DNAH10: variants seen among roughly 807,000 people sequenced by gnomAD.
DNAH10 encodes dynein axonemal heavy chain 10, also known as axonemal beta dynein heavy chain 10.
In DNAH10, 348 loss-of-function variants were observed where a neutral mutation model predicts 506.6. The observed-to-expected ratio is 0.69, with a 90% CI of 0.63 to 0.75. DNAH10 has a LOEUF of 0.75. Ranked by LOEUF, DNAH10 falls within the 30% of genes least tolerant of loss-of-function variation. The pLI, the probability that DNAH10 is intolerant of heterozygous loss-of-function variation, is 0.00. For synonymous variants in DNAH10, 2,059 were observed against 2,198.6 expected (o/e 0.94, Z 1.78); for missense variants, 5,179 against 5,787.1 (o/e 0.89, Z 3.41).
chr12:123,929,931 A>C (rs766245075), intron 72 of DNAH10, 172 bp downstream of exon 72: 1 of 644,312 alleles, frequency 1.6e-6, no homozygotes, highest in Non-Finnish European at 2.7e-6. Context: ...GTCCTAAGTG[A>C]GCTCTGTTCA....
At chr12:123,906,042 T>C (rs112703259) in intron 57 of DNAH10, among the ~76,000 whole-genome samples, 11,396 of 143,588 alleles carry the variant, frequency 0.079, 575 homozygotes, top group Middle Eastern at 0.17. Flanking sequence ...CTCAGCCTCC[T>C]GAGTAGCTCC....
rs748496617 is a variant in DNAH10, at chr12:123,818,982, G to T, written c.3813G>T (p.Lys1271Asn). 8.1e-6 allele frequency: 13 copies of T among 1,606,944 alleles called. No homozygotes were observed. The highest frequency in any genetic ancestry group is 1.1e-5 in the Non-Finnish European group (13 of 1,176,600). ...PPDAEKELVDKIESIWSNLFN... is the reference protein window; with the variant it reads ...PPDAEKELVDNIESIWSNLFN... ...ATGCAGAGAAAGAACTGGTTGATAA[G>T]ATTGAGAGCATATGGTCCAATCTGT... Residue 1271 changes from lysine (K) to asparagine (N), a missense_variant, in exon 22 of 79, where the codon AAG becomes AAT. Coordinates refer to ENST00000673944, the MANE Select transcript of DNAH10 (RefSeq NM_001372106.1).
In DNAH10 at chr12:123,879,734, T is replaced by G; in HGVS notation, c.8567T>G (p.Leu2856Arg). The G allele has an allele frequency of 6.2e-7, 1 of 1,614,042 alleles. No homozygotes were observed. The highest frequency in any genetic ancestry group is 8.5e-7 in the Non-Finnish European group (1 of 1,179,898). ...PILFGDFQMA[L>R]HEGEPRIYED... ...TTGTTTGGAGACTTCCAGATGGCTC[T>G]GCACGAAGGAGAACCACGCATTTAT... Residue 2856 changes from leucine to arginine, a missense_variant, in exon 50 of 79, where the codon CTG becomes CGG. By Grantham distance (102) the Leu-to-Arg change is moderately radical. Transcript: ENST00000673944.
At chr12:123,896,966 C>A (rs1233221510) in intron 54 of DNAH10, among the ~76,000 whole-genome samples, 1 of 152,146 alleles carries the variant, frequency 6.6e-6, no homozygotes, top group Non-Finnish European at 1.5e-5. Context: ...TTCATCATCC[C>A]AAACTGAAAC....
intron 11 of DNAH10, among the ~76,000 whole-genome samples, chr12:123,791,209 G>T (rs1009048031): frequency 6.6e-6 from 1 of 152,180 alleles, no homozygotes; most frequent in Non-Finnish European, 1.5e-5. Flanking sequence ...TACAGTATAG[G>T]CTGCTTTGGA....
chr12:123,917,485 G>T lies in DNAH10; in HGVS notation c.11003-99G>T. On this transcript the variant is annotated intron_variant, in intron 63 of 78. Transcript: ENST00000673944. This position sits in a 1 kb window ranked among gnomAD's most constrained non-coding sequence, Gnocchi z 5.6. Reference sequence around the variant, plus strand: ...GAATCCTCGTGCCTCTGGCCTGCTGGCTGAGACCCGCGCTAAGCTTGTCCC... The same window carrying T: ...GAATCCTCGTGCCTCTGGCCTGCTGTCTGAGACCCGCGCTAAGCTTGTCCC... The T allele has an allele frequency of 7.9e-7, 1 of 1,262,748 alleles. No individual in the cohort carries two copies. 78.2% of individuals were successfully genotyped at this position (1,262,748 alleles called of 1,614,324 possible). A position where few individuals can be genotyped will look rare whatever the true frequency, so the allele number is the denominator to read the frequency against.
rs889658454 is a variant in DNAH10, at chr12:123,879,859, G to A, written c.8634+58G>A. ...ACTTTCTCCTGAGCATGGGCCAAGCGGGAGCTGAGCATCGCGCGGGTGCCC... is the reference window on the plus strand; with the variant it reads ...ACTTTCTCCTGAGCATGGGCCAAGCAGGAGCTGAGCATCGCGCGGGTGCCC... On this transcript the variant is annotated intron_variant, in intron 50 of 78. Coordinates refer to ENST00000673944, the MANE Select transcript of DNAH10 (RefSeq NM_001372106.1). 23 of 1,580,180 alleles carry A rather than the reference G, an allele frequency of 1.5e-5. No individual in the cohort carries two copies. In the East Asian group the frequency reaches 2.2e-4, roughly 15 times the overall value.
chr12:123,764,651 C>T (rs1243876445), intron 1 of DNAH10, among the ~76,000 whole-genome samples: 1 of 152,160 alleles, frequency 6.6e-6, no homozygotes, highest in African/African-American at 2.4e-5. Flanking sequence ...AGAGTTCAGT[C>T]TCACCTCAGA....
chr12:123,850,158 T>C lies in DNAH10; in HGVS notation c.6103-730T>C, dbSNP rs1951101480. 1.4e-5 allele frequency among the ~76,000 whole-genome samples: 2 copies of C among 144,696 alleles called. No homozygotes were observed. Among genetic ancestry groups the C allele is most frequent in the Non-Finnish European group, 3.0e-5 (2 of 66,258 alleles). 94.9% of individuals were successfully genotyped at this position (144,696 alleles called of 152,430 possible). A position where few individuals can be genotyped will look rare whatever the true frequency, so the allele number is the denominator to read the frequency against. ...GTCTTCCGGGCTGCCCTCTCGTTGG[T>C]GATGCAGACTGTGCCTCCTAACAAC... On this transcript the variant is annotated intron_variant, in intron 34 of 78. Transcript: ENST00000673944. The surrounding 1 kb of genome is among the most constrained non-coding windows in gnomAD (Gnocchi z 5.5).
At chr12:123,924,951 T>C (rs1358940834) in intron 67 of DNAH10, 99 bp from the exon 68 acceptor site, 1 of 1,501,368 alleles carries the variant, frequency 6.7e-7, no homozygotes, top group African/African-American at 1.4e-5. Context: ...ACCTATGGAT[T>C]CTCGTCCCTT....
rs1951240101 is a variant in DNAH10 at position 123,853,144 on chromosome 12, C to T, written c.6292-62C>T. The T allele has an allele frequency of 6.2e-6, 9 of 1,453,526 alleles. No homozygotes were observed. Among genetic ancestry groups the T allele is most frequent in the African/African-American group, 1.4e-5 (1 of 70,450 alleles). 90.0% of individuals were successfully genotyped at this position (1,453,526 alleles called of 1,614,324 possible). A position where few individuals can be genotyped will look rare whatever the true frequency, so the allele number is the denominator to read the frequency against. On this transcript the variant is annotated intron_variant, in intron 35 of 78. Transcript: ENST00000673944. The surrounding 1 kb of genome is among the most constrained non-coding windows in gnomAD (Gnocchi z 4.7). ...TTTCTTGCATTTGTAGAATGATGCTCCATTGCTTTTGAATCATTTTCTTTT... is the reference window on the plus strand; with the variant it reads ...TTTCTTGCATTTGTAGAATGATGCTTCATTGCTTTTGAATCATTTTCTTTT...
At chr12:123,763,213 C>A (rs1220807961) in intron 1 of DNAH10, among the ~76,000 whole-genome samples, 1 of 152,252 alleles carries the variant, frequency 6.6e-6, no homozygotes. Context: ...CCAGAACCCT[C>A]TGTGGAGGCG....
In DNAH10 at chr12:123,870,458, C is replaced by G; in HGVS notation, c.7612C>G (p.Pro2538Ala). The G allele has an allele frequency of 6.2e-7, 1 of 1,613,432 alleles. No individual in the cohort carries two copies. The highest frequency in any genetic ancestry group is 8.5e-7 in the Non-Finnish European group (1 of 1,179,762). The change falls in exon 44 of 79, where the codon CCC (proline) becomes GCC (alanine). Residue 2538 changes from proline to alanine, a missense_variant. By Grantham distance (27) the Pro-to-Ala change is conservative. Transcript: ENST00000673944. ...SKLVPEYIHA[P>A]ERKFINILVH... ...ATTAGTTCCAGAGTATATTCATGCC[C>G]CCGAGAGGAAATTCATCAACATCCT...
rs376801748 is a variant in DNAH10 at position 123,914,414 on chromosome 12, G to C, written c.10438G>C (p.Glu3480Gln). 5.3e-5 allele frequency: 85 copies of C among 1,613,576 alleles called. No homozygotes were observed. The highest frequency in any genetic ancestry group is 6.5e-5 in the Non-Finnish European group (77 of 1,179,904). The change falls in exon 61 of 79, where the codon GAG (glutamate) becomes CAG (glutamine). Residue 3480 changes from glutamate to glutamine, a missense_variant. Physicochemically the swap from Glu to Gln is conservative, Grantham distance 29. Transcript: ENST00000673944. ...CLLCAAFLSY[E>Q]GAFTWEFRDE... ...GCTCTGCGCGGCTTTCCTCAGCTAC[G>C]AGGGAGCCTTCACCTGGGAGTTCCG...
At chr12:123,908,880 G>GATGATA (rs1953933165) in intron 57 of DNAH10, among the ~76,000 whole-genome samples, 1 of 152,166 alleles carries the variant, frequency 6.6e-6, no homozygotes, top group Admixed American at 6.5e-5. Flanking sequence ...TGATGATGAT[G>GATGATA]ATGATAATGA....
intron 57 of DNAH10, among the ~76,000 whole-genome samples, chr12:123,906,538 G>A (rs1228051552): frequency 2.0e-5 from 3 of 152,180 alleles, no homozygotes; most frequent in East Asian, 1.9e-4. Context: ...CACCGCACCC[G>A]ACCTATTTTG....
At chr12:123,809,100 C>A (rs1165523616) in intron 19 of DNAH10, 147 bp downstream of exon 19, 1 of 986,822 alleles carries the variant, frequency 1.0e-6, no homozygotes. Context: ...CCCAGTTTTC[C>A]CCACTTCAGG....
At chr12:123,847,104 T>G (rs950006721) in intron 32 of DNAH10, among the ~76,000 whole-genome samples, 3 of 151,882 alleles carry the variant, frequency 2.0e-5, no homozygotes, top group Admixed American at 2.0e-4. Flanking sequence ...ATCTAATCTA[T>G]CTATCTTATC....
intron 3 of DNAH10, among the ~76,000 whole-genome samples, 167 bp from the exon 4 acceptor site, chr12:123,772,667 T>C (rs917225164): frequency 1.3e-5 from 2 of 152,220 alleles, no homozygotes; most frequent in African/African-American, 4.8e-5. Flanking sequence ...CTGGGTGCAT[T>C]TAGCTCCTGT....
Sources: allele counts gnomAD v4.1 joint callset (sites outside exome capture counted in the v4.1 genomes callset), GRCh38; gene constraint gnomAD v4.1.1; non-coding constraint Gnocchi (gnomAD v3.1); transcripts MANE v1.5; gene names NCBI Gene and HGNC (gene_info 2026-07-23, HGNC 2026-07-21).